Variants in THOC1 observed in about 807,000 individuals in gnomAD.
The protein encoded by THOC1 is THO complex subunit 1.
THOC1 carries 29 observed loss-of-function variants against 97.3 expected under a neutral mutation model. The observed-to-expected ratio is 0.30, with a 90% CI of 0.22 to 0.41. The LOEUF (loss-of-function observed/expected upper bound fraction) is 0.41. Ranked by LOEUF, THOC1 falls within the 10% of genes least tolerant of loss-of-function variation. The pLI is 1.00. For synonymous variants in THOC1, 255 were observed against 257.0 expected, an observed-to-expected ratio of 0.99 and a Z score of 0.07; for missense variants, 529 against 761.9, an observed-to-expected ratio of 0.69 and a Z score of 3.60.
chr18:253,597 G>T (rs1912347334), intron 8 of THOC1, among the ~76,000 whole-genome samples: 1 of 152,126 alleles, frequency 6.6e-6, no homozygotes, highest in Non-Finnish European at 1.5e-5. Context: ...GAAATAATAT[G>T]AATTTATAGA....
chr18:247,900 G>A lies in THOC1; in HGVS notation c.735C>T (p.Phe245=), dbSNP rs1296732993. The A allele has an allele frequency of 1.9e-6, 3 of 1,610,142 alleles. No homozygotes were observed. The highest frequency in any genetic ancestry group is 1.7e-5 in the Admixed American group (1 of 58,824). Reference sequence around the variant, plus strand: ...TCTCATAGCATTGCACAGGGTTCCTGAAGTAATCCTGAAGTGACCAGAATT... The same window carrying A: ...TCTCATAGCATTGCACAGGGTTCCTAAAGTAATCCTGAAGTGACCAGAATT... ...YRKFWSLQDY[F]RNPVQCYEKI... is the part of the protein sequence containing the mutation. The change falls in exon 10 of 21, where the codon TTC becomes TTT. Residue 245 remains phenylalanine, a synonymous_variant. Transcript: ENST00000261600.
intron 15 of THOC1, among the ~76,000 whole-genome samples, 183 bp from the exon 16 acceptor site, chr18:224,362 T>C (rs1911201110): frequency 6.6e-6 from 1 of 152,140 alleles, no homozygotes; most frequent in South Asian, 2.1e-4. Context: ...GTGGATCACC[T>C]GAGGTCAGGA....
intron 1 of THOC1, among the ~76,000 whole-genome samples, chr18:267,320 A>G (rs186574116): frequency 1.1e-4 from 16 of 152,302 alleles, no homozygotes; most frequent in Admixed American, 6.5e-4. Context: ...GGAATAACCA[A>G]CTTAGCCTAC....
rs755407022 is a variant in THOC1 at position 216,486 on chromosome 18, C to T, written c.1602G>A (p.Pro534=). The change falls in exon 19 of 21, where the codon CCG becomes CCA. Residue 534 remains proline (P), a splice_region_variant and synonymous_variant. Coordinates refer to ENST00000261600, the MANE Select transcript of THOC1 (RefSeq NM_005131.3). ...NMVIKLAKEL[P]PPSEEIKTGE... is the part of the protein sequence containing the mutation. ...TGAAAAGTTGATCTATGGTACTTAC[C>T]GGTAATTCCTTGGCTAGCTTTATTA... 55 of 1,613,222 alleles carry T rather than the reference C, an allele frequency of 3.4e-5. No individual in the cohort carries two copies. The East Asian group carries it at 4.2e-4, about 12-fold the overall frequency.
In THOC1 at chr18:254,432, A is replaced by C; in HGVS notation, c.521-77T>G. On this transcript the variant is annotated intron_variant, in intron 7 of 20. Coordinates refer to ENST00000261600, the MANE Select transcript of THOC1 (RefSeq NM_005131.3). The surrounding 1 kb of genome is among the most constrained non-coding windows in gnomAD (Gnocchi z 4.1). ...TTATGTATAACTTGTGTCATAATCA[A>C]AACTACAAAATGCCAAATCCATAAA... The C allele has an allele frequency of 1.1e-6, 1 of 877,012 alleles. No individual in the cohort carries two copies. Among genetic ancestry groups the C allele is most frequent in the Non-Finnish European group, 1.8e-6 (1 of 553,408 alleles). 54.3% of individuals were successfully genotyped at this position (877,012 alleles called of 1,614,324 possible). A position where few individuals can be genotyped will look rare whatever the true frequency, so the allele number is the denominator to read the frequency against.
intron 8 of THOC1, among the ~76,000 whole-genome samples, chr18:253,752 T>C (rs902130039): frequency 6.6e-6 from 1 of 152,192 alleles, no homozygotes; most frequent in African/African-American, 2.4e-5. Context: ...TGCCATAATC[T>C]ACCATGGTCT....
rs748616386 is a variant in THOC1 at position 225,149 on chromosome 18, G to A, written c.1087-10C>T. 6.4e-7 allele frequency: 1 copy of A among 1,566,756 alleles called. No individual in the cohort carries two copies. Among genetic ancestry groups the A allele is most frequent in the South Asian group, 1.2e-5 (1 of 84,762 alleles). On this transcript the variant is annotated splice_polypyrimidine_tract_variant and intron_variant, in intron 13 of 20. Coordinates refer to ENST00000261600, the MANE Select transcript of THOC1 (RefSeq NM_005131.3). ...GGTTTTCAGATAGTAGCTGTGATTA[G>A]AAAGAATATACTAAGCTTTCAACAA...
At chr18:215,379 C>T (rs530576241) in intron 20 of THOC1, 50 bp downstream of exon 20, 7 of 1,413,582 alleles carry the variant, frequency 5.0e-6, no homozygotes, top group South Asian at 3.5e-5. Context: ...CAACAAAGAA[C>T]CCCAATCGTC....
chr18:248,577 C>T (rs1200934155), intron 9 of THOC1, among the ~76,000 whole-genome samples: 1 of 152,028 alleles, frequency 6.6e-6, no homozygotes, highest in Middle Eastern at 3.2e-3. Context: ...GGTATCATAT[C>T]CTAACTAAAA....
intron 7 of THOC1, among the ~76,000 whole-genome samples, chr18:258,175 G>T (rs947562970): frequency 7.9e-5 from 12 of 151,896 alleles, no homozygotes; most frequent in African/African-American, 2.7e-4. Flanking sequence ...ATAGAAAAAT[G>T]GGAAACAGAA....
At chr18:260,378 G>T in intron 4 of THOC1, 74 bp from the exon 5 acceptor site, 1 of 941,034 alleles carries the variant, frequency 1.1e-6, no homozygotes, top group Non-Finnish European at 1.5e-6. Flanking sequence ...AAATAATTCT[G>T]AAGAATATCT....
chr18:216,704 C>T, intron 18 of THOC1, 71 bp from the exon 19 acceptor site: 2 of 1,507,078 alleles, frequency 1.3e-6, no homozygotes, highest in Non-Finnish European at 1.8e-6. Context: ...TCAGTTCTGC[C>T]ATGTGTAATT....
In THOC1 at chr18:216,479, T is replaced by C. The variant is rs1360830856; in HGVS notation, c.1602+7A>G. On this transcript the variant is annotated splice_region_variant and intron_variant, in intron 19 of 20. Transcript: ENST00000261600. ...AAGGGTATGAAAAGTTGATCTATGG[T>C]ACTTACCGGTAATTCCTTGGCTAGC... 6.2e-7 allele frequency: 1 copy of C among 1,613,418 alleles called. No homozygotes were observed. The highest frequency in any genetic ancestry group is 1.7e-5 in the Admixed American group (1 of 60,002).
intron 3 of THOC1, 177 bp downstream of exon 3, chr18:265,126 C>T: frequency 1.7e-6 from 1 of 583,484 alleles, no homozygotes; most frequent in Non-Finnish European, 3.0e-6. Flanking sequence ...TTAAAATGTA[C>T]CTGTGCTATC....
chr18:217,248 C>A (rs533579193), intron 18 of THOC1, among the ~76,000 whole-genome samples: 2 of 152,230 alleles, frequency 1.3e-5, no homozygotes, highest in African/African-American at 4.8e-5. Flanking sequence ...GCAGGTACCA[C>A]TGAAGACTTA....
Position 214,605 on chromosome 18 carries a change from TAAAA to T in THOC1, c.*17_*20del, listed in dbSNP as rs753455081. ...GTAACAAAATCTATCACAGTTTTAATAAAAAGAAAAAAAAAAGAAGCTAACTATT... is the reference window on the plus strand; with the variant it reads ...GTAACAAAATCTATCACAGTTTTAATAGAAAAAAAAAAGAAGCTAACTATT... On this transcript the variant is annotated 3_prime_UTR_variant, in exon 21 of 21. Coordinates refer to ENST00000261600, the MANE Select transcript of THOC1 (RefSeq NM_005131.3). The T allele has an allele frequency of 1.3e-6, 2 of 1,579,272 alleles. No individual in the cohort carries two copies. Among genetic ancestry groups the T allele is most frequent in the Non-Finnish European group, 1.7e-6 (2 of 1,163,332 alleles).
intron 11 of THOC1, among the ~76,000 whole-genome samples, chr18:241,927 A>G (rs1911916313): frequency 6.6e-6 from 1 of 152,176 alleles, no homozygotes. Context: ...AAAATAAGCA[A>G]CCCAGGTGTA....
chr18:266,526 CAGGGCT>C (rs1912774011), intron 1 of THOC1, among the ~76,000 whole-genome samples: 1 of 148,896 alleles, frequency 6.7e-6, no homozygotes, highest in South Asian at 2.2e-4. Context: ...TGGTCCTTTT[CAGGGCT>C]AGTATGATTT....
intron 18 of THOC1, among the ~76,000 whole-genome samples, chr18:218,171 C>T (rs1306161210): frequency 6.6e-6 from 1 of 152,148 alleles, no homozygotes; most frequent in Non-Finnish European, 1.5e-5. Flanking sequence ...CTTATTTAAT[C>T]CTCAGAATAA....
Sources: allele counts gnomAD v4.1 joint callset (sites outside exome capture counted in the v4.1 genomes callset), GRCh38; gene constraint gnomAD v4.1.1; non-coding constraint Gnocchi (gnomAD v3.1); transcripts MANE v1.5; gene names NCBI Gene and HGNC (gene_info 2026-07-23, HGNC 2026-07-21).